The following KDM4C variants were observed in gnomAD, a reference collection of about 807,000 sequenced individuals.
KDM4C encodes the protein lysine-specific demethylase 4C.
A neutral mutation model predicts 129.3 loss-of-function variants in KDM4C; 81 were observed. That is an observed-to-expected ratio of 0.63 (90% CI 0.52 to 0.75). The LOEUF (loss-of-function observed/expected upper bound fraction) is 0.75, where lower values mean the gene tolerates loss of function less well. Ranked by LOEUF, KDM4C falls within the 30% of genes least tolerant of loss-of-function variation. The pLI, the probability that KDM4C is intolerant of heterozygous loss-of-function variation, is 0.00. For missense variants in KDM4C, 1,457 were observed against 1,304.0 expected, an observed-to-expected ratio of 1.12 and a Z score of -1.81; for synonymous variants, 573 against 456.1, an observed-to-expected ratio of 1.26 and a Z score of -3.26.
intron 18 of KDM4C, among the ~76,000 whole-genome samples, chr9:7,120,327 C>G (rs1182359085): frequency 2.0e-5 from 3 of 152,038 alleles, no homozygotes; most frequent in African/African-American, 7.2e-5. Flanking sequence ...TGAAATTTGG[C>G]TATTTATTTC....
intron 4 of KDM4C, among the ~76,000 whole-genome samples, chr9:6,817,503 C>T (rs1028786518): frequency 6.6e-6 from 1 of 152,026 alleles, no homozygotes; most frequent in African/African-American, 2.4e-5. Context: ...CTGTGCCCAG[C>T]CCAGCAAAAT....
At chr9:6,960,558 C>T (rs952367235) in intron 8 of KDM4C, among the ~76,000 whole-genome samples, 10 of 151,844 alleles carry the variant, frequency 6.6e-5, no homozygotes, top group African/African-American at 2.4e-4. Flanking sequence ...TGTGCGTGGC[C>T]TATAAAAAGG....
At chr9:7,088,213 C>A (rs1156753227) in intron 17 of KDM4C, among the ~76,000 whole-genome samples, 1 of 152,142 alleles carries the variant, frequency 6.6e-6, no homozygotes, top group African/African-American at 2.4e-5. Context: ...TCGGAAGGAC[C>A]CTTAAAGTGG....
intron 8 of KDM4C, among the ~76,000 whole-genome samples, chr9:6,918,123 G>A (rs1018506065): frequency 6.6e-6 from 1 of 152,130 alleles, no homozygotes; most frequent in Admixed American, 6.5e-5. Context: ...CATCACCCAG[G>A]CAGTGAACAT....
At chr9:6,894,652 G>C (rs548454817) in intron 8 of KDM4C, among the ~76,000 whole-genome samples, 12 of 152,332 alleles carry the variant, frequency 7.9e-5, no homozygotes, top group Admixed American at 7.8e-4. Flanking sequence ...CAGCCTTGGG[G>C]AGAAGCTAAA....
At chr9:7,103,919 C>G in intron 18 of KDM4C, 49 bp downstream of exon 18, 1 of 1,549,906 alleles carries the variant, frequency 6.5e-7, no homozygotes, top group Non-Finnish European at 8.9e-7. Context: ...TCTGGATTTT[C>G]TCCTGTTTTA....
At chr9:7,156,586 C>T in intron 19 of KDM4C, among the ~76,000 whole-genome samples, 1 of 152,128 alleles carries the variant, frequency 6.6e-6, no homozygotes, top group Admixed American at 6.5e-5. Context: ...GCCAGTTTTC[C>T]CAGCACCATT....
At chr9:7,005,788 T>C (rs1199110239) in intron 12 of KDM4C, among the ~76,000 whole-genome samples, 2 of 152,230 alleles carry the variant, frequency 1.3e-5, no homozygotes, top group African/African-American at 4.8e-5. Flanking sequence ...GACATTTAAC[T>C]AATCTTGTAC....
chr9:7,114,877 G>A (rs547165209), intron 18 of KDM4C, among the ~76,000 whole-genome samples: 2 of 152,128 alleles, frequency 1.3e-5, no homozygotes, highest in East Asian at 1.9e-4. Context: ...AGGCCGAGGC[G>A]ATATCAGCCT....
At chr9:6,807,582 T>C (rs933017625) in intron 3 of KDM4C, among the ~76,000 whole-genome samples, 4 of 149,384 alleles carry the variant, frequency 2.7e-5, no homozygotes, top group African/African-American at 7.4e-5. Flanking sequence ...AGACCCCGTC[T>C]GGGAGGTGAG....
rs563899904 is a variant in KDM4C, at chr9:6,912,473, T to C, written c.921+19241T>C. ...AGGAAGCTCATAGTCCTGGCATTCATTGTAGAATGAATGAATACAAATGCC... is the reference window on the plus strand; with the variant it reads ...AGGAAGCTCATAGTCCTGGCATTCACTGTAGAATGAATGAATACAAATGCC... On this transcript the variant is annotated intron_variant, in intron 8 of 21. Transcript: ENST00000381309. Among the ~76,000 whole-genome samples, 6 of 152,284 alleles carry C rather than the reference T, an allele frequency of 3.9e-5. No individual in the cohort carries two copies. In the East Asian group the frequency reaches 1.2e-3, roughly 29 times the overall value.
chr9:6,739,435 G>A (rs1210291043), intron 1 of KDM4C, among the ~76,000 whole-genome samples: 3 of 151,894 alleles, frequency 2.0e-5, no homozygotes, highest in African/African-American at 7.3e-5. Flanking sequence ...TCTAGTGTGG[G>A]ATTTGTAAAA....
At chr9:7,143,422 C>T (rs1356299163) in intron 19 of KDM4C, among the ~76,000 whole-genome samples, 1 of 152,212 alleles carries the variant, frequency 6.6e-6, no homozygotes, top group African/African-American at 2.4e-5. Context: ...TAGAAAAGCT[C>T]TTACTTCAGA....
intron 2 of KDM4C, among the ~76,000 whole-genome samples, chr9:6,798,066 G>A (rs576191162): frequency 6.6e-6 from 1 of 152,102 alleles, no homozygotes; most frequent in African/African-American, 2.4e-5. Flanking sequence ...GTTAAAATAA[G>A]ATTTTTGTTA....
chr9:7,081,627 T>G (rs1232502461), intron 17 of KDM4C, among the ~76,000 whole-genome samples: 1 of 152,206 alleles, frequency 6.6e-6, no homozygotes, highest in Non-Finnish European at 1.5e-5. Flanking sequence ...GAATCACACC[T>G]GGCATTTCTT....
At chr9:6,759,002 G>A (rs1407617703) in intron 1 of KDM4C, among the ~76,000 whole-genome samples, 1 of 150,292 alleles carries the variant, frequency 6.7e-6, no homozygotes, top group Non-Finnish European at 1.5e-5. Context: ...CTCCCCCTTT[G>A]CTGCGCGGTG....
At chr9:7,015,796 G>A in intron 14 of KDM4C, 57 bp from the exon 15 acceptor site, 8 of 1,165,938 alleles carry the variant, frequency 6.9e-6, no homozygotes, top group South Asian at 2.5e-5. Flanking sequence ...ACTGAGATCT[G>A]CAATATTTTA....
chr9:6,722,182 G>C (rs989212752), intron 1 of KDM4C, among the ~76,000 whole-genome samples: 3 of 152,178 alleles, frequency 2.0e-5, no homozygotes, highest in African/African-American at 7.2e-5. Flanking sequence ...CTTTTTGGAA[G>C]AAAGAGGGAT....
intron 20 of KDM4C, among the ~76,000 whole-genome samples, chr9:7,166,890 C>G (rs1030673693): frequency 2.6e-5 from 4 of 151,952 alleles, no homozygotes; most frequent in African/African-American, 7.2e-5. Flanking sequence ...AATTGTCTCT[C>G]AAGCACAAGT....
Sources: allele counts gnomAD v4.1 joint callset (sites outside exome capture counted in the v4.1 genomes callset), GRCh38; gene constraint gnomAD v4.1.1; transcripts MANE v1.5; gene names NCBI Gene and HGNC (gene_info 2026-07-23, HGNC 2026-07-21).